The following ADCY2 variants were observed in gnomAD, a reference collection of about 807,000 sequenced individuals.
ADCY2 encodes adenylate cyclase 2.
Under a neutral mutation model 125.2 loss-of-function variants are expected in ADCY2, and 31 were observed. That is an observed-to-expected ratio of 0.25 (90% CI 0.19 to 0.33). The LOEUF (loss-of-function observed/expected upper bound fraction) is 0.33, where lower values mean the gene tolerates loss of function less well. ADCY2 is among the 10% of genes least tolerant of loss of function. The pLI is 1.00. For missense variants in ADCY2, 904 were observed against 1,418.2 expected, an observed-to-expected ratio of 0.64 and a Z score of 5.82; for synonymous variants, 512 against 548.4, an observed-to-expected ratio of 0.93 and a Z score of 0.93.
intron 2 of ADCY2, among the ~76,000 whole-genome samples, chr5:7,439,071 C>T (rs7718788): frequency 0.051 from 7,690 of 152,252 alleles, 667 homozygotes; most frequent in African/African-American, 0.18. Flanking sequence ...GGTGTGACCA[C>T]AGAGGGAAAG....
At chr5:7,400,233 T>A (rs1450644536) in intron 1 of ADCY2, among the ~76,000 whole-genome samples, 5 of 152,104 alleles carry the variant, frequency 3.3e-5, no homozygotes, top group African/African-American at 1.2e-4. Context: ...GTCAGAGAAA[T>A]AAAGTAGATT....
At chr5:7,663,394 T>G (rs1344449270) in intron 4 of ADCY2, among the ~76,000 whole-genome samples, 1 of 152,248 alleles carries the variant, frequency 6.6e-6, no homozygotes, top group Non-Finnish European at 1.5e-5. Context: ...GGTGCACTTT[T>G]GTGTTTGGCA....
intron 15 of ADCY2, among the ~76,000 whole-genome samples, chr5:7,752,504 C>T (rs1247581928): frequency 6.6e-6 from 1 of 151,444 alleles, no homozygotes; most frequent in Non-Finnish European, 1.5e-5. Context: ...ATTAAGTTCA[C>T]TTAATATGAG....
intron 7 of ADCY2, among the ~76,000 whole-genome samples, chr5:7,701,637 A>G (rs993597973): frequency 1.2e-4 from 18 of 152,320 alleles, no homozygotes; most frequent in African/African-American, 3.8e-4. Flanking sequence ...GTACCCATTA[A>G]GCAGTAACTC....
At chr5:7,733,547 C>T (rs990217335) in intron 14 of ADCY2, among the ~76,000 whole-genome samples, 2 of 152,202 alleles carry the variant, frequency 1.3e-5, no homozygotes, top group Non-Finnish European at 2.9e-5. Flanking sequence ...GATACATGTG[C>T]GTGTTACACA....
chr5:7,647,770 T>C lies in ADCY2; in HGVS notation c.720+21454T>C, dbSNP rs543302790. ...TTTTTCACCATCATTTGGCAAAATTTAGAAATTTAAACATCTACAAAGACT... is the reference window on the plus strand; with the variant it reads ...TTTTTCACCATCATTTGGCAAAATTCAGAAATTTAAACATCTACAAAGACT... On this transcript the variant is annotated intron_variant, in intron 4 of 24. Coordinates refer to ENST00000338316, the MANE Select transcript of ADCY2 (RefSeq NM_020546.3). Among the ~76,000 whole-genome samples, 13 of 152,358 alleles carry C rather than the reference T, an allele frequency of 8.5e-5. No individual in the cohort carries two copies. In the South Asian group the frequency reaches 2.7e-3, roughly 32 times the overall value.
At chr5:7,662,110 G>A (rs900855341) in intron 4 of ADCY2, among the ~76,000 whole-genome samples, 4 of 152,120 alleles carry the variant, frequency 2.6e-5, no homozygotes, top group Non-Finnish European at 5.9e-5. Flanking sequence ...CCTCACTTTT[G>A]TTAATCACTG....
chr5:7,802,136 AT>A lies in ADCY2; in HGVS notation c.2629-81del. 6.6e-7 allele frequency: 1 copy of A among 1,514,014 alleles called. No homozygotes were observed. The highest frequency in any genetic ancestry group is 2.3e-5 in the East Asian group (1 of 44,182). The allele number at this position is 1,514,014 out of a possible 1,614,324, so 93.8% of individuals were successfully genotyped here. A position where few individuals can be genotyped will look rare whatever the true frequency, so the allele number is the denominator to read the frequency against. The stretch of plus-strand genomic sequence containing the variant: ...GGGCGATGTCTGTGTGAATCCTGGC[AT>A]AAACAAGCCACTTGCCTGTGGAGTG... On this transcript the variant is annotated intron_variant, in intron 20 of 24. Transcript: ENST00000338316. The surrounding 1 kb of genome is among the most constrained non-coding windows in gnomAD (Gnocchi z 4.6).
rs528689922 is a variant in ADCY2, at chr5:7,666,085, G to A, written c.721-24606G>A. Among the ~76,000 whole-genome samples the A allele has an allele frequency of 1.8e-4, 28 of 151,578 alleles. No individual in the cohort carries two copies. In the South Asian group the frequency reaches 2.1e-3, roughly 11 times the overall value. On this transcript the variant is annotated intron_variant, in intron 4 of 24. Transcript: ENST00000338316. The stretch of plus-strand genomic sequence containing the variant: ...GATCTCCTGACCTCGTGATCCGCCC[G>A]CCTTGGCCTCCCAAAGTGCTGGGAT...
chr5:7,432,624 G>T (rs1740645950), intron 2 of ADCY2, among the ~76,000 whole-genome samples: 1 of 152,228 alleles, frequency 6.6e-6, no homozygotes, highest in South Asian at 2.1e-4. Context: ...CCACACTTCA[G>T]TTCCTGCCCA....
chr5:7,497,916 T>C (rs1438106311), intron 2 of ADCY2, among the ~76,000 whole-genome samples: 1 of 152,072 alleles, frequency 6.6e-6, no homozygotes, highest in Non-Finnish European at 1.5e-5. Flanking sequence ...ACAAAAGGAC[T>C]TAGGGTGTCC....
chr5:7,684,215 G>A (rs1254026821), intron 4 of ADCY2, among the ~76,000 whole-genome samples: 1 of 152,210 alleles, frequency 6.6e-6, no homozygotes. Flanking sequence ...CCCTTTGGGT[G>A]ATTTTCTCAC....
chr5:7,612,000 G>A (rs972202076), intron 3 of ADCY2, among the ~76,000 whole-genome samples: 7 of 152,162 alleles, frequency 4.6e-5, no homozygotes, highest in South Asian at 4.1e-4. Flanking sequence ...GGGTGCATGA[G>A]ACATCTTATT....
At chr5:7,697,943 A>G (rs1029840151) in intron 6 of ADCY2, among the ~76,000 whole-genome samples, 5 of 152,240 alleles carry the variant, frequency 3.3e-5, no homozygotes, top group Non-Finnish European at 7.3e-5. Flanking sequence ...AGCTGCTCAG[A>G]CTAAAGAGAT....
At chr5:7,768,881 C>T (rs1327029382) in intron 17 of ADCY2, among the ~76,000 whole-genome samples, 1 of 152,180 alleles carries the variant, frequency 6.6e-6, no homozygotes, top group African/African-American at 2.4e-5. Context: ...TGCCCAGAAA[C>T]CACATTGTGA....
At chr5:7,777,114 A>T (rs1177869110) in intron 18 of ADCY2, among the ~76,000 whole-genome samples, 1 of 152,142 alleles carries the variant, frequency 6.6e-6, no homozygotes, top group Non-Finnish European at 1.5e-5. Flanking sequence ...CAACTAATAC[A>T]TAGACCTCCC....
At chr5:7,705,006 T>C (rs1018220500) in intron 7 of ADCY2, among the ~76,000 whole-genome samples, 3 of 152,234 alleles carry the variant, frequency 2.0e-5, no homozygotes, top group Non-Finnish European at 2.9e-5. Context: ...AGTTCAGCTC[T>C]GTCAAGTGGA....
At chr5:7,704,742 T>TAG (rs1741207646) in intron 7 of ADCY2, among the ~76,000 whole-genome samples, 7 of 151,932 alleles carry the variant, frequency 4.6e-5, no homozygotes, top group East Asian at 3.9e-4. Context: ...GCTGGGCGGT[T>TAG]TGGCGTGCGC....
At chr5:7,712,149 A>G (rs1487959982) in intron 10 of ADCY2, among the ~76,000 whole-genome samples, 3 of 152,204 alleles carry the variant, frequency 2.0e-5, no homozygotes, top group Non-Finnish European at 4.4e-5. Flanking sequence ...TCTTAATATA[A>G]CCTTGGAAAT....
Sources: allele counts gnomAD v4.1 joint callset (sites outside exome capture counted in the v4.1 genomes callset), GRCh38; gene constraint gnomAD v4.1.1; non-coding constraint Gnocchi (gnomAD v3.1); transcripts MANE v1.5; gene names NCBI Gene and HGNC (gene_info 2026-07-23, HGNC 2026-07-21).